EMILIN3: variants seen among roughly 807,000 people sequenced by gnomAD.
EMILIN3 encodes elastin microfibril interfacer 3, also known as EMILIN-3.
EMILIN3 carries 38 observed loss-of-function variants against 42.8 expected under a neutral mutation model. The ratio of observed to expected loss-of-function variants is 0.89; its 90% CI spans 0.69 to 1.16. The LOEUF (loss-of-function observed/expected upper bound fraction) is 1.16, where lower values mean the gene tolerates loss of function less well. EMILIN3 is among the 50% of genes most tolerant of loss of function. The pLI is 0.00. For missense variants in EMILIN3, 924 were observed against 999.5 expected (o/e 0.92, Z 1.02); for synonymous variants, 430 against 440.5 (o/e 0.98, Z 0.30).
chr20:41,363,314 T>C (rs976801455), intron 3 of EMILIN3, among the ~76,000 whole-genome samples: 5 of 152,098 alleles, frequency 3.3e-5, no homozygotes, highest in Non-Finnish European at 5.9e-5. Flanking sequence ...CTATTTTTTT[T>C]CTATCTTTAG....
In EMILIN3 at chr20:41,363,671, G is replaced by T. The variant is rs544073560; in HGVS notation, c.481C>A (p.Pro161Thr). The change falls in exon 3 of 4, where the codon CCT becomes ACT. Residue 161 changes from proline (P) to threonine (T), a missense_variant. Transcript: ENST00000332312. ...SGQLDPGPRP[P>T]SYSRAAPSPH... ...CTGGGGGCTGCTCTGCTGTAGGAAG[G>T]GGGCCTGGGGCCTGGGTCCAGCTGC... 6.2e-7 allele frequency: 1 copy of T among 1,613,142 alleles called. No individual in the cohort carries two copies. The highest frequency in any genetic ancestry group is 1.3e-5 in the African/African-American group (1 of 74,932).
Position 41,366,454 on chromosome 20 carries a change from C to A in EMILIN3, c.167+14G>T. 1.8e-6 allele frequency: 2 copies of A among 1,121,364 alleles called. No individual in the cohort carries two copies. The highest frequency in any genetic ancestry group is 2.2e-6 in the Non-Finnish European group (2 of 917,670). The allele number at this position is 1,121,364 out of a possible 1,614,324, so 69.5% of individuals were successfully genotyped here. ...ATCCCTCCCTCTTCCCGCCCGCCGC[C>A]CGCCCGCGCTTACTTGTGCGGCCCC... On this transcript the variant is annotated intron_variant, in intron 1 of 3. Coordinates refer to ENST00000332312, the MANE Select transcript of EMILIN3 (RefSeq NM_052846.2). The surrounding 1 kb of genome is among the most constrained non-coding windows in gnomAD (Gnocchi z 4.2).
At chr20:41,363,143 C>CT (rs796911772) in intron 3 of EMILIN3, 89 bp from the exon 4 acceptor site, 94,214 of 951,238 alleles carry the variant, frequency 0.099, 762 homozygotes, top group African/African-American at 0.19. Context: ...ACTTTCTGTT[C>CT]TTTTTTTTTT....
In EMILIN3 at chr20:41,362,361, T is replaced by C; in HGVS notation, c.1208A>G (p.Gln403Arg). The change falls in exon 4 of 4, where the codon CAG becomes CGG. Residue 403 changes from glutamine (Q) to arginine (R), a missense_variant. Gln to Arg is a conservative substitution (Grantham distance 43, BLOSUM62 1). Coordinates refer to ENST00000332312, the MANE Select transcript of EMILIN3 (RefSeq NM_052846.2). ...GCCCCTTTGGGTCTCGGTGACTGCC[T>C]GCAGGGCCCTCTCAAGGCCATCCAT... ...ARMDGLERAL[Q>R]AVTETQRGPG... 6.2e-7 allele frequency: 1 copy of C among 1,607,678 alleles called. No homozygotes were observed. The highest frequency in any genetic ancestry group is 1.3e-5 in the African/African-American group (1 of 75,046).
At position 41,366,521 on chromosome 20, in the gene EMILIN3, G is replaced by A; in HGVS notation, c.114C>T (p.Arg38=). ...LARPAPPGAS[R]YSLYTTGWRP... is the part of the protein sequence containing the mutation. ...GCCATCCCGTCGTGTAGAGACTGTA[G>A]CGGGAGGCACCGGGCGGCGCAGGCC... Residue 38 remains arginine (R), a synonymous_variant, in exon 1 of 4, where the codon CGC becomes CGT. Transcript: ENST00000332312. This position sits in a 1 kb window ranked among gnomAD's most constrained non-coding sequence, Gnocchi z 4.2. 1 of 1,161,498 alleles carries A rather than the reference G, an allele frequency of 8.6e-7. No individual in the cohort carries two copies. The highest frequency in any genetic ancestry group is 3.8e-5 in the South Asian group (1 of 26,488). The allele number at this position is 1,161,498 out of a possible 1,614,324, so 71.9% of individuals were successfully genotyped here.
In EMILIN3 at chr20:41,362,553, C is replaced by T. The variant is rs758766392; in HGVS notation, c.1016G>A (p.Arg339Gln). ...GGCGGCCTGACCCTCCTCACATTGC[C>T]GCCGTACCTCCTGCACCCGCAGGTC... ...ECDLRVQEVR[R>Q]QCEEGQAASR... Residue 339 changes from arginine (R) to glutamine (Q), a missense_variant, in exon 4 of 4, where the codon CGG becomes CAG. Coordinates refer to ENST00000332312, the MANE Select transcript of EMILIN3 (RefSeq NM_052846.2). 23 of 1,599,544 alleles carry T rather than the reference C, an allele frequency of 1.4e-5. No homozygotes were observed. Among genetic ancestry groups the T allele is most frequent in the East Asian group, 1.3e-4 (6 of 44,802 alleles).
rs1429714704 is a variant in EMILIN3 at position 41,362,378 on chromosome 20, G to A, written c.1191C>T (p.Gly397=). 2 of 1,605,856 alleles carry A rather than the reference G, an allele frequency of 1.2e-6. No homozygotes were observed. The highest frequency in any genetic ancestry group is 2.2e-5 in the East Asian group (1 of 44,870). The change falls in exon 4 of 4, where the codon GGC becomes GGT. Residue 397 remains glycine (G), a synonymous_variant. Coordinates refer to ENST00000332312, the MANE Select transcript of EMILIN3 (RefSeq NM_052846.2). ...QLALINARMD[G]LERALQAVTE... is the part of the protein sequence containing the mutation. ...TGACTGCCTGCAGGGCCCTCTCAAG[G>A]CCATCCATACGGGCATTGATCAAGG...
Position 41,362,320 on chromosome 20 carries a change from CG to C in EMILIN3, c.1248del (p.Asp418MetfsTer37). Reference protein sequence around the residue: ...TETQRGPGAPAGDELTRLSAA... With the variant: ...TETQRGPGAPXGDELTRLSAA... ...GCAGAGAGCCTCGTAAGCTCATCCC[CG>C]GCCGGGGCACCGGGGCCCCTTTGGG... On this transcript the variant is annotated frameshift_variant, in exon 4 of 4. Coordinates refer to ENST00000332312, the MANE Select transcript of EMILIN3 (RefSeq NM_052846.2). LOFTEE classifies it high-confidence loss of function. 1 of 1,612,584 alleles carries C rather than the reference CG, an allele frequency of 6.2e-7. No individual in the cohort carries two copies. Among genetic ancestry groups the C allele is most frequent in the Non-Finnish European group, 8.5e-7 (1 of 1,179,928 alleles).
rs1238677304 is a variant in EMILIN3 at position 41,361,276 on chromosome 20, C to T, written c.2293G>A (p.Ala765Thr). ...GGTCCTGGCCAGCCTGTCTAGTTGG[C>T]TTGCCCTGGCCGCACCTGCTCAGCC... is the stretch of plus-strand genomic sequence containing the variant. ...QLAEQVRPGQAN is the reference protein window; with the variant it reads ...QLAEQVRPGQTN Residue 765 changes from alanine to threonine, a missense_variant, in exon 4 of 4, where the codon GCC (alanine) becomes ACC (threonine). Ala to Thr is a moderately conservative substitution (Grantham distance 58). Transcript: ENST00000332312. 2 of 1,584,094 alleles carry T rather than the reference C, an allele frequency of 1.3e-6. No individual in the cohort carries two copies. Among genetic ancestry groups the T allele is most frequent in the Non-Finnish European group, 1.7e-6 (2 of 1,158,888 alleles).
intron 2 of EMILIN3, among the ~76,000 whole-genome samples, chr20:41,364,392 G>T (rs912640335): frequency 5.3e-5 from 8 of 152,144 alleles, no homozygotes; most frequent in Non-Finnish European, 1.5e-5. Flanking sequence ...GCAGATGGAC[G>T]GGTACCTCTG....
chr20:41,363,900 G>T, intron 2 of EMILIN3, 39 bp from the exon 3 acceptor site: 1 of 1,592,508 alleles, frequency 6.3e-7, no homozygotes, highest in South Asian at 1.1e-5. Flanking sequence ...TCCTGCACCT[G>T]AGGGCTGTGC....
Position 41,366,428 on chromosome 20 carries a change from C to G in EMILIN3, c.167+40G>C. The stretch of plus-strand genomic sequence containing the variant: ...GTGGGAGCGGCGACGCGCGCGGGCC[C>G]ATCCCTCCCTCTTCCCGCCCGCCGC... On this transcript the variant is annotated intron_variant, in intron 1 of 3. Coordinates refer to ENST00000332312, the MANE Select transcript of EMILIN3 (RefSeq NM_052846.2). The surrounding 1 kb of genome is among the most constrained non-coding windows in gnomAD (Gnocchi z 4.2). 1 of 1,104,116 alleles carries G rather than the reference C, an allele frequency of 9.1e-7. No individual in the cohort carries two copies. The highest frequency in any genetic ancestry group is 1.1e-6 in the Non-Finnish European group (1 of 906,336). The allele number at this position is 1,104,116 out of a possible 1,614,324, so 68.4% of individuals were successfully genotyped here. A position where few individuals can be genotyped will look rare whatever the true frequency, so the allele number is the denominator to read the frequency against.
rs367929699 is a variant in EMILIN3 at position 41,363,815 on chromosome 20, C to A, written c.337G>T (p.Val113Leu). 3.1e-6 allele frequency: 5 copies of A among 1,614,144 alleles called. No homozygotes were observed. In the Admixed American group the frequency reaches 5.0e-5, roughly 16 times the overall value. ...CAGCAACGCCAGGCGAGGTCTGTCA[C>A]TGTCTTGTAGCCAACCTTGTATTTG... Reference protein sequence around the residue: ...RPKYKVGYKTVTDLAWRCCPG... With the variant: ...RPKYKVGYKTLTDLAWRCCPG... Residue 113 changes from valine to leucine, a missense_variant, in exon 3 of 4, where the codon GTG becomes TTG. Coordinates refer to ENST00000332312, the MANE Select transcript of EMILIN3 (RefSeq NM_052846.2).
rs963809181 is a variant in EMILIN3, at chr20:41,362,010, G to A, written c.1559C>T (p.Ser520Leu). 8.7e-6 allele frequency: 14 copies of A among 1,611,528 alleles called. No homozygotes were observed. The highest frequency in any genetic ancestry group is 2.7e-5 in the African/African-American group (2 of 74,876). The change falls in exon 4 of 4, where the codon TCG becomes TTG. Residue 520 changes from serine (S) to leucine (L), a missense_variant. Transcript: ENST00000332312. ...GGCTGAGGTGGTGCTCGGGGTGCACGAAGTCTCCAGTGAGACCAACCGTTG... is the reference window on the plus strand; with the variant it reads ...GGCTGAGGTGGTGCTCGGGGTGCACAAAGTCTCCAGTGAGACCAACCGTTG... Reference protein sequence around the residue: ...LEQRLVSLETSCTPSTTSAIL... With the variant: ...LEQRLVSLETLCTPSTTSAIL...
Position 41,366,357 on chromosome 20 carries a change from G to A in EMILIN3, c.167+111C>T. The A allele has an allele frequency of 1.2e-6, 1 of 827,824 alleles. No individual in the cohort carries two copies. Among genetic ancestry groups the A allele is most frequent in the African/African-American group, 1.8e-5 (1 of 54,470 alleles). The allele number at this position is 827,824 out of a possible 1,614,324, so 51.3% of individuals were successfully genotyped here. A position where few individuals can be genotyped will look rare whatever the true frequency, so the allele number is the denominator to read the frequency against. On this transcript the variant is annotated intron_variant, in intron 1 of 3. Transcript: ENST00000332312. The surrounding 1 kb of genome is among the most constrained non-coding windows in gnomAD (Gnocchi z 4.2). ...CGGGCGCCGCCCCCTCTGTGCAGCGGCCTCGGGGTGCCCGGGGCCTCGACG... is the reference window on the plus strand; with the variant it reads ...CGGGCGCCGCCCCCTCTGTGCAGCGACCTCGGGGTGCCCGGGGCCTCGACG...
chr20:41,365,806 G>C (rs2046390582), intron 1 of EMILIN3, among the ~76,000 whole-genome samples: 1 of 152,172 alleles, frequency 6.6e-6, no homozygotes, highest in African/African-American at 2.4e-5. Flanking sequence ...ACTGAGGCCA[G>C]TTCGCAAGCC....
In EMILIN3 at chr20:41,362,936, G is replaced by A. The variant is rs770814397; in HGVS notation, c.633C>T (p.Asn211=). ...SGLVASHEDP[N]RMTGGPRAPA... ...GAGCCCTGGGGCCACCAGTCATCCT[G>A]TTGGGATCCTCGTGGCTAGCCACCA... Residue 211 remains asparagine, a synonymous_variant, in exon 4 of 4, where the codon AAC becomes AAT. Coordinates refer to ENST00000332312, the MANE Select transcript of EMILIN3 (RefSeq NM_052846.2). 3.1e-6 allele frequency: 5 copies of A among 1,613,478 alleles called. No homozygotes were observed. The highest frequency in any genetic ancestry group is 1.6e-4 in the Middle Eastern group (1 of 6,082).
At chr20:41,363,601 C>A in intron 3 of EMILIN3, 37 bp downstream of exon 3, 1 of 1,559,682 alleles carries the variant, frequency 6.4e-7, no homozygotes, top group Non-Finnish European at 8.7e-7. Flanking sequence ...GCCCAAGAAA[C>A]CCAATCACCT....
At position 41,363,730 on chromosome 20, in the gene EMILIN3, G is replaced by A; in HGVS notation, c.422C>T (p.Pro141Leu). Residue 141 changes from proline to leucine, a missense_variant, in exon 3 of 4, where the codon CCC becomes CTC. Pro to Leu is a moderately conservative substitution (Grantham distance 98). Transcript: ENST00000332312. ...EHLTDHGAAS[P>L]QLEPEPQIPS... Reference sequence around the variant, plus strand: ...AATCTGAGGCTCAGGCTCCAGCTGGGGTGAGGCAGCCCCATGGTCCGTGAG... The same window carrying A: ...AATCTGAGGCTCAGGCTCCAGCTGGAGTGAGGCAGCCCCATGGTCCGTGAG... The A allele has an allele frequency of 6.2e-7, 1 of 1,614,120 alleles. No homozygotes were observed.
Sources: allele counts gnomAD v4.1 joint callset (sites outside exome capture counted in the v4.1 genomes callset), GRCh38; gene constraint gnomAD v4.1.1; non-coding constraint Gnocchi (gnomAD v3.1); transcripts MANE v1.5; gene names NCBI Gene and HGNC (gene_info 2026-07-23, HGNC 2026-07-21).